The following GABRG3 variants were observed in gnomAD, a reference collection of about 807,000 sequenced individuals.
GABRG3 encodes gamma-aminobutyric acid receptor subunit gamma-3.
In GABRG3, 25 loss-of-function variants were observed where a neutral mutation model predicts 48.8. The observed-to-expected ratio is 0.51, with a 90% CI of 0.37 to 0.72. GABRG3 has a LOEUF of 0.72. Among genes scored for constraint, GABRG3 ranks in the 30% least tolerant of loss-of-function variants. GABRG3 has a pLI of 0.00. For synonymous variants in GABRG3, 227 were observed against 217.6 expected (o/e 1.04, Z -0.38); for missense variants, 394 against 577.9 (o/e 0.68, Z 3.26).
intron 5 of GABRG3, among the ~76,000 whole-genome samples, chr15:27,374,138 C>CTTTTTTTTTTTTTTTTTTTT (rs201839822): frequency 1.1e-5 from 1 of 91,672 alleles, no homozygotes; most frequent in Non-Finnish European, 2.2e-5. Flanking sequence ...TTCTTTTCTT[C>CTTTTTTTTTTTTTTTTTTTT]TTTTTTTTTT....
chr15:27,039,127 G>A (rs1369977295), intron 3 of GABRG3, among the ~76,000 whole-genome samples: 3 of 152,184 alleles, frequency 2.0e-5, no homozygotes, highest in African/African-American at 4.8e-5. Context: ...CAGAGGAGAC[G>A]CCAAGTCTGC....
chr15:27,367,274 AT>A (rs1895239506), intron 5 of GABRG3, among the ~76,000 whole-genome samples: 1 of 152,162 alleles, frequency 6.6e-6, no homozygotes, highest in African/African-American at 2.4e-5. Flanking sequence ...TATTTTAATC[AT>A]TTAAGTGGAA....
intron 3 of GABRG3, among the ~76,000 whole-genome samples, chr15:27,038,177 T>C (rs1230621693): frequency 1.3e-5 from 2 of 148,642 alleles, no homozygotes; most frequent in Non-Finnish European, 3.0e-5. Flanking sequence ...CAGACATTTA[T>C]TGCACACAAG....
intron 4 of GABRG3, among the ~76,000 whole-genome samples, chr15:27,328,232 G>A (rs764892306): frequency 2.6e-5 from 4 of 152,088 alleles, no homozygotes; most frequent in African/African-American, 7.2e-5. Flanking sequence ...GCCATACACC[G>A]GAGACTCTGA....
intron 3 of GABRG3, among the ~76,000 whole-genome samples, chr15:27,190,210 G>A (rs1888246819): frequency 6.6e-6 from 1 of 152,150 alleles, no homozygotes; most frequent in South Asian, 2.1e-4. Context: ...GTCTCTGCTG[G>A]GCTTTGGTAT....
chr15:27,137,992 T>C (rs567975214), intron 3 of GABRG3, among the ~76,000 whole-genome samples: 1 of 152,362 alleles, frequency 6.6e-6, no homozygotes, highest in South Asian at 2.1e-4. Context: ...TTCAAAAATA[T>C]CTTTACATTT....
intron 3 of GABRG3, among the ~76,000 whole-genome samples, chr15:27,135,033 T>C (rs1253475163): frequency 6.6e-6 from 1 of 152,188 alleles, no homozygotes; most frequent in Non-Finnish European, 1.5e-5. Flanking sequence ...AATGATAATA[T>C]GGGACTTTTA....
intron 3 of GABRG3, among the ~76,000 whole-genome samples, chr15:27,284,355 A>G (rs1891538754): frequency 6.6e-6 from 1 of 152,248 alleles, no homozygotes; most frequent in Non-Finnish European, 1.5e-5. Flanking sequence ...TAATTTTAAA[A>G]ATTCCCCAAA....
chr15:27,169,316 GAGT>G, intron 3 of GABRG3, among the ~76,000 whole-genome samples: 1 of 152,176 alleles, frequency 6.6e-6, no homozygotes. Flanking sequence ...TTGTACTTGG[GAGT>G]GGAAGAGCAC....
chr15:27,058,453 G>C (rs962362604), intron 3 of GABRG3, among the ~76,000 whole-genome samples: 1 of 152,180 alleles, frequency 6.6e-6, no homozygotes, highest in Admixed American at 6.5e-5. Flanking sequence ...TCATCTGATT[G>C]CTCTGTTTGA....
At chr15:27,408,503 A>G (rs1022612228) in intron 5 of GABRG3, among the ~76,000 whole-genome samples, 2 of 152,220 alleles carry the variant, frequency 1.3e-5, no homozygotes, top group African/African-American at 4.8e-5. Flanking sequence ...CTAACTATTA[A>G]TGGACCTATG....
chr15:27,307,924 CAT>C lies in GABRG3; in HGVS notation c.271-18882_271-18881del, dbSNP rs555967111. ...TAAAATAAACATGTTTATATATAAA[CAT>C]ATGCTTGTATATAAACATATATGTA... On this transcript the variant is annotated intron_variant, in intron 3 of 9. Coordinates refer to ENST00000615808, the MANE Select transcript of GABRG3 (RefSeq NM_033223.5). Among the ~76,000 whole-genome samples the C allele has an allele frequency of 3.8e-3, 443 of 116,342 alleles. 4 individuals are homozygous for C. The highest frequency in any genetic ancestry group is 5.0e-3 in the Non-Finnish European group (275 of 55,206). The allele number at this position is 116,342 out of a possible 152,430, so 76.3% of individuals were successfully genotyped here. A position where few individuals can be genotyped will look rare whatever the true frequency, so the allele number is the denominator to read the frequency against.
intron 2 of GABRG3, among the ~76,000 whole-genome samples, chr15:26,985,809 T>C (rs1895140813): frequency 2.0e-5 from 3 of 152,196 alleles, no homozygotes; most frequent in Admixed American, 2.0e-4. Flanking sequence ...GATACTATGA[T>C]TGATAATGAA....
chr15:27,190,781 T>G (rs1483355256), intron 3 of GABRG3, among the ~76,000 whole-genome samples: 1 of 152,108 alleles, frequency 6.6e-6, no homozygotes, highest in African/African-American at 2.4e-5. Context: ...TTTGAATGTG[T>G]TTGCTCTTGC....
In GABRG3 at chr15:27,142,847, C is replaced by T. The variant is rs1016402498; in HGVS notation, c.270+116026C>T. 5.9e-5 allele frequency among the ~76,000 whole-genome samples: 9 copies of T among 151,870 alleles called. No homozygotes were observed. In the East Asian group the frequency reaches 1.7e-3, roughly 30 times the overall value. Reference sequence around the variant, plus strand: ...GGAGTGCAGTGGTGTAACCATGGCTCCTCAAGTGACGCTCCTACCTCAGCC... The same window carrying T: ...GGAGTGCAGTGGTGTAACCATGGCTTCTCAAGTGACGCTCCTACCTCAGCC... On this transcript the variant is annotated intron_variant, in intron 3 of 9. Transcript: ENST00000615808.
rs1489287631 is a variant in GABRG3, at chr15:27,535,274, T to C, written c.*2393T>C. ...ACTGAATTTTCTAGAAAAATTCTTA[T>C]TGGGAGGAAAATAACCTAAAACAAC... On this transcript the variant is annotated 3_prime_UTR_variant, in exon 10 of 10. Coordinates refer to ENST00000615808, the MANE Select transcript of GABRG3 (RefSeq NM_033223.5). The C allele has an allele frequency of 2.0e-5, 3 of 152,214 alleles. No homozygotes were observed. Among genetic ancestry groups the C allele is most frequent in the East Asian group, 3.8e-4 (2 of 5,196 alleles). 9.4% of individuals were successfully genotyped at this position (152,214 alleles called of 1,614,324 possible).
At chr15:27,463,865 C>T (rs574095520) in intron 5 of GABRG3, among the ~76,000 whole-genome samples, 5 of 152,296 alleles carry the variant, frequency 3.3e-5, no homozygotes, top group South Asian at 2.1e-4. Flanking sequence ...CTTCTCTCTT[C>T]GCTCTTCTCT....
intron 3 of GABRG3, among the ~76,000 whole-genome samples, chr15:27,218,083 C>T (rs138544028): frequency 1.1e-3 from 162 of 152,264 alleles, no homozygotes; most frequent in Non-Finnish European, 1.7e-3. Context: ...GATTACAGCT[C>T]GCTGTAGCCT....
chr15:27,261,461 G>A (rs1409012733), intron 3 of GABRG3, among the ~76,000 whole-genome samples: 1 of 151,654 alleles, frequency 6.6e-6, no homozygotes, highest in Non-Finnish European at 1.5e-5. Flanking sequence ...ATTCGGGTTG[G>A]TGAGATGGGC....
Sources: allele counts gnomAD v4.1 joint callset (sites outside exome capture counted in the v4.1 genomes callset), GRCh38; gene constraint gnomAD v4.1.1; transcripts MANE v1.5; gene names NCBI Gene and HGNC (gene_info 2026-07-23, HGNC 2026-07-21).